MSRA: variants seen among roughly 807,000 people sequenced by gnomAD.
MSRA encodes methionine sulfoxide reductase A, also known as mitochondrial peptide methionine sulfoxide reductase.
In MSRA, 54 loss-of-function variants were observed where a neutral mutation model predicts 31.3. The observed-to-expected ratio is 1.73, with a 90% CI of 1.39 to 2.17. The LOEUF (loss-of-function observed/expected upper bound fraction) is 2.17, where lower values mean the gene tolerates loss of function less well. Among genes scored for constraint, MSRA ranks in the 30% most tolerant of loss-of-function variants. The pLI, the probability that MSRA is intolerant of heterozygous loss-of-function variation, is 0.00. For missense variants in MSRA, 507 were observed against 300.9 expected (o/e 1.69, Z -5.07); for synonymous variants, 169 against 116.5 (o/e 1.45, Z -2.90).
Position 10,221,582 on chromosome 8 carries a change from G to T in MSRA, c.211+13681G>T, listed in dbSNP as rs186185700. The stretch of plus-strand genomic sequence containing the variant: ...TGGCACTGAGATTATTTATTCACAT[G>T]TTCATCAGATGGTTTATTTATTGCA... On this transcript the variant is annotated intron_variant, in intron 2 of 5. Coordinates refer to ENST00000317173, the MANE Select transcript of MSRA (RefSeq NM_012331.5). Among the ~76,000 whole-genome samples the T allele has an allele frequency of 4.3e-4, 66 of 152,188 alleles. 1 individual carries two copies. The highest frequency in any genetic ancestry group is 1.3e-3 in the African/African-American group (56 of 41,514).
intron 3 of MSRA, among the ~76,000 whole-genome samples, chr8:10,285,278 T>C (rs1463704198): frequency 6.6e-6 from 1 of 152,222 alleles, no homozygotes; most frequent in Non-Finnish European, 1.5e-5. Context: ...TGCATTTAAT[T>C]TGACAGTATT....
intron 3 of MSRA, among the ~76,000 whole-genome samples, chr8:10,260,801 C>T (rs1470851147): frequency 6.6e-6 from 1 of 152,132 alleles, no homozygotes; most frequent in Non-Finnish European, 1.5e-5. Flanking sequence ...ACCTTTAATT[C>T]ATCTTTGTAA....
intron 1 of MSRA, among the ~76,000 whole-genome samples, chr8:10,101,458 C>T (rs374043549): frequency 2.5e-4 from 38 of 151,908 alleles, no homozygotes; most frequent in East Asian, 3.9e-4. Context: ...CTGCCATTAC[C>T]GTCATCAAGC....
chr8:10,183,539 C>T (rs77087049), intron 1 of MSRA, among the ~76,000 whole-genome samples: 5,828 of 152,112 alleles, frequency 0.038, 157 homozygotes, highest in African/African-American at 0.067. Flanking sequence ...GAAGAAGTGG[C>T]GGTCAAGGCA....
chr8:10,137,960 A>C (rs1332970223), intron 1 of MSRA, among the ~76,000 whole-genome samples: 1 of 152,230 alleles, frequency 6.6e-6, no homozygotes, highest in Non-Finnish European at 1.5e-5. Flanking sequence ...AGGAAACTGA[A>C]GATCAGGGAG....
Position 10,127,196 on chromosome 8 carries a change from G to A in MSRA, c.142+72538G>A, listed in dbSNP as rs1361181574. Among the ~76,000 whole-genome samples the A allele has an allele frequency of 2.0e-5, 3 of 152,014 alleles. No homozygotes were observed. The East Asian group carries it at 5.8e-4, about 29-fold the overall frequency. On this transcript the variant is annotated intron_variant, in intron 1 of 5. Transcript: ENST00000317173. Reference sequence around the variant, plus strand: ...GAATTTTTTTTTCTTTACTCTTCAAGTTTCTTAATTTTTGCCAAGTGTTCC... The same window carrying A: ...GAATTTTTTTTTCTTTACTCTTCAAATTTCTTAATTTTTGCCAAGTGTTCC...
intron 1 of MSRA, among the ~76,000 whole-genome samples, chr8:10,125,061 G>T (rs1293580880): frequency 6.6e-6 from 1 of 152,128 alleles, no homozygotes; most frequent in Non-Finnish European, 1.5e-5. Context: ...TGAAACACTA[G>T]TTGCTCTGTG....
chr8:10,091,185 A>G (rs1227057858), intron 1 of MSRA, among the ~76,000 whole-genome samples: 2 of 152,062 alleles, frequency 1.3e-5, no homozygotes, highest in Non-Finnish European at 2.9e-5. Context: ...GTCTGCTAGT[A>G]TTTTGTTCAG....
intron 1 of MSRA, among the ~76,000 whole-genome samples, chr8:10,063,401 T>A (rs1300004568): frequency 6.6e-6 from 1 of 152,234 alleles, no homozygotes; most frequent in South Asian, 2.1e-4. Context: ...ATGACACTCT[T>A]CAATGCTGGA....
At chr8:10,220,607 T>C (rs1250740305) in intron 2 of MSRA, among the ~76,000 whole-genome samples, 1 of 152,230 alleles carries the variant, frequency 6.6e-6, no homozygotes, top group African/African-American at 2.4e-5. Flanking sequence ...CATGTTTTTA[T>C]GTGATGACCC....
rs190695668 is a variant in MSRA, at chr8:10,280,475, T to A, written c.332-21059T>A. 1.6e-4 allele frequency among the ~76,000 whole-genome samples: 25 copies of A among 152,350 alleles called. 1 individual carries two copies. The highest frequency in any genetic ancestry group is 5.8e-4 in the African/African-American group (24 of 41,578). On this transcript the variant is annotated intron_variant, in intron 3 of 5. Transcript: ENST00000317173. Reference sequence around the variant, plus strand: ...ACATTGTAATTGTGATTTTTCCTGTTTGAGTTATTTAAAGTTACCTTTTTG... The same window carrying A: ...ACATTGTAATTGTGATTTTTCCTGTATGAGTTATTTAAAGTTACCTTTTTG...
chr8:10,188,274 T>C (rs1807224120), intron 1 of MSRA, among the ~76,000 whole-genome samples: 1 of 152,258 alleles, frequency 6.6e-6, no homozygotes, highest in African/African-American at 2.4e-5. Flanking sequence ...GTGTAAGTTC[T>C]ATGAAATTAT....
intron 5 of MSRA, among the ~76,000 whole-genome samples, chr8:10,413,994 A>G (rs576173783): frequency 6.6e-6 from 1 of 152,226 alleles, no homozygotes; most frequent in Non-Finnish European, 1.5e-5. Flanking sequence ...GCGAGACCCC[A>G]TCTCTACAAA....
chr8:10,172,137 A>T (rs927707736), intron 1 of MSRA, among the ~76,000 whole-genome samples: 1 of 152,204 alleles, frequency 6.6e-6, no homozygotes, highest in African/African-American at 2.4e-5. Flanking sequence ...CTACAGATGC[A>T]TGCTCCCTCC....
At chr8:10,288,986 T>C (rs929330823) in intron 3 of MSRA, among the ~76,000 whole-genome samples, 1 of 152,080 alleles carries the variant, frequency 6.6e-6, no homozygotes, top group Non-Finnish European at 1.5e-5. Context: ...ATTTCTTTTT[T>C]TTTTTTCCTT....
chr8:10,113,519 G>C (rs1800453353), intron 1 of MSRA, among the ~76,000 whole-genome samples: 1 of 151,474 alleles, frequency 6.6e-6, no homozygotes, highest in Non-Finnish European at 1.5e-5. Flanking sequence ...GGATGTTGGG[G>C]AAGTTTTCTT....
At chr8:10,082,323 G>C (rs1798336114) in intron 1 of MSRA, among the ~76,000 whole-genome samples, 1 of 152,112 alleles carries the variant, frequency 6.6e-6, no homozygotes, top group Admixed American at 6.5e-5. Context: ...TGGGGGAGGG[G>C]CCACACTGCA....
intron 4 of MSRA, among the ~76,000 whole-genome samples, chr8:10,305,714 C>A (rs930968506): frequency 2.6e-5 from 4 of 152,192 alleles, no homozygotes; most frequent in Admixed American, 2.6e-4. Context: ...ACCACTGTGC[C>A]TAGCCTTCTG....
At chr8:10,191,975 G>C (rs56883717) in intron 1 of MSRA, among the ~76,000 whole-genome samples, 48,034 of 151,998 alleles carry the variant, frequency 0.32, 8,388 homozygotes, top group East Asian at 0.44. Flanking sequence ...TGTTCCTCAC[G>C]AGGCTGCAGT....
Sources: allele counts gnomAD v4.1 joint callset (sites outside exome capture counted in the v4.1 genomes callset), GRCh38; gene constraint gnomAD v4.1.1; transcripts MANE v1.5; gene names NCBI Gene and HGNC (gene_info 2026-07-23, HGNC 2026-07-21).